Variants in GDF1 observed in about 807,000 individuals in gnomAD.
GDF1 encodes embryonic growth/differentiation factor 1.
A neutral mutation model predicts 7.4 loss-of-function variants in GDF1; 8 were observed. The ratio of observed to expected loss-of-function variants is 1.09; its 90% CI spans 0.64 to 1.96. The LOEUF (loss-of-function observed/expected upper bound fraction) is 1.96. Ranked by LOEUF, GDF1 falls within the 30% of genes most tolerant of loss-of-function variation. The pLI is 0.00. For synonymous variants in GDF1, 311 were observed against 276.7 expected (o/e 1.12, Z -1.23); for missense variants, 574 against 551.5 (o/e 1.04, Z -0.41).
intron 6 of GDF1, among the ~76,000 whole-genome samples, chr19:18,872,448 C>T (rs1303291629): frequency 2.0e-5 from 3 of 151,686 alleles, no homozygotes; most frequent in African/African-American, 7.3e-5. Flanking sequence ...CCCAGGTTCA[C>T]GGGATTCTCC....
intron 2 of GDF1, among the ~76,000 whole-genome samples, chr19:18,889,941 G>A (rs1389199507): frequency 1.3e-5 from 2 of 152,120 alleles, no homozygotes; most frequent in Non-Finnish European, 2.9e-5. Context: ...TTCTAAAATT[G>A]GCCACTTTGC....
intron 2 of GDF1, among the ~76,000 whole-genome samples, chr19:18,892,227 T>G (rs936107890): frequency 1.3e-5 from 2 of 151,592 alleles, no homozygotes; most frequent in Non-Finnish European, 2.9e-5. Context: ...ACCAAGATGG[T>G]GCAAGCCGAG....
intron 6 of GDF1, among the ~76,000 whole-genome samples, chr19:18,872,348 CTT>C (rs922807659): frequency 1.3e-5 from 2 of 152,040 alleles, no homozygotes; most frequent in Non-Finnish European, 2.9e-5. Context: ...ATCTTTTTTT[CTT>C]GTTTTGTTTT....
rs1601161236 is a variant in GDF1, at chr19:18,878,755, G to A, written c.-313+175C>T. On this transcript the variant is annotated intron_variant, in intron 6 of 7. Transcript: ENST00000247005. The surrounding 1 kb of genome is among the most constrained non-coding windows in gnomAD (Gnocchi z 4.6). ...CCCTTCCTCACTGTCCTGTCCTTCAGGGTACTGGCCACATCGTCCACGCCT... is the reference window on the plus strand; with the variant it reads ...CCCTTCCTCACTGTCCTGTCCTTCAAGGTACTGGCCACATCGTCCACGCCT... 1 of 1,422,150 alleles carries A rather than the reference G, an allele frequency of 7.0e-7. No individual in the cohort carries two copies. Among genetic ancestry groups the A allele is most frequent in the South Asian group, 1.5e-5 (1 of 68,146 alleles). 88.1% of individuals were successfully genotyped at this position (1,422,150 alleles called of 1,614,324 possible). A position where few individuals can be genotyped will look rare whatever the true frequency, so the allele number is the denominator to read the frequency against.
chr19:18,884,709 CTT>C (rs36074874), intron 2 of GDF1, among the ~76,000 whole-genome samples: 3 of 69,128 alleles, frequency 4.3e-5, no homozygotes, highest in Non-Finnish European at 7.4e-5. Flanking sequence ...GCCCAGCCGT[CTT>C]TTTTTTTTTT....
chr19:18,885,666 C>A (rs2056337239), intron 2 of GDF1, among the ~76,000 whole-genome samples: 1 of 151,602 alleles, frequency 6.6e-6, no homozygotes, highest in Non-Finnish European at 1.5e-5. Flanking sequence ...ATTACAGGCA[C>A]CCACCACCAT....
In GDF1 at chr19:18,870,205, G is replaced by T; in HGVS notation, c.103C>A (p.Pro35Thr). 1 of 1,559,482 alleles carries T rather than the reference G, an allele frequency of 6.4e-7. No individual in the cohort carries two copies. Residue 35 changes from proline to threonine, a missense_variant, in exon 7 of 8, where the codon CCA becomes ACA. By Grantham distance (38) the Pro-to-Thr change is conservative. Transcript: ENST00000247005. The surrounding 1 kb of genome is among the most constrained non-coding windows in gnomAD (Gnocchi z 5.1). ...AGAGCCTGGAGCAGGGCGGCGGCTG[G>T]GCCTGGGGGCACGGGGGCGCGGGTC... is the stretch of plus-strand genomic sequence containing the variant. Reference protein sequence around the residue: ...PLTRAPVPPGPAAALLQALGL... With the variant: ...PLTRAPVPPGTAAALLQALGL...
At chr19:18,869,866 C>G in intron 7 of GDF1, 117 bp downstream of exon 7, 2 of 1,012,174 alleles carry the variant, frequency 2.0e-6, no homozygotes, top group Admixed American at 4.0e-5. Flanking sequence ...TGCTAGTAGC[C>G]TGGACAGGGC....
At chr19:18,892,803 C>T (rs372159137) in intron 2 of GDF1, among the ~76,000 whole-genome samples, 10 of 152,272 alleles carry the variant, frequency 6.6e-5, no homozygotes, top group South Asian at 6.2e-4. Flanking sequence ...AGCTCCAACA[C>T]GGCCAGATAC....
At chr19:18,887,918 C>T (rs1370044556) in intron 2 of GDF1, among the ~76,000 whole-genome samples, 2 of 152,176 alleles carry the variant, frequency 1.3e-5, no homozygotes, top group Admixed American at 6.6e-5. Context: ...TCCCCATTCC[C>T]CTCCCCCAGC....
chr19:18,882,460 C>T (rs2056235530), intron 3 of GDF1, among the ~76,000 whole-genome samples: 1 of 151,414 alleles, frequency 6.6e-6, no homozygotes. Context: ...TGGTGAAACC[C>T]CATCTCTACT....
chr19:18,888,914 CAG>C (rs1392648463), intron 2 of GDF1, among the ~76,000 whole-genome samples: 1 of 130,318 alleles, frequency 7.7e-6, no homozygotes, highest in African/African-American at 3.0e-5. Context: ...TTTTTTGAGA[CAG>C]AGTCTTGCTC....
chr19:18,890,809 T>TAAAGGC (rs1385713609), intron 2 of GDF1, among the ~76,000 whole-genome samples: 87 of 128,482 alleles, frequency 6.8e-4, no homozygotes, highest in African/African-American at 2.5e-3. Context: ...AAAAAGCAGC[T>TAAAGGC]AAAGGCAAGT....
At chr19:18,888,599 G>A (rs1355155769) in intron 2 of GDF1, among the ~76,000 whole-genome samples, 2 of 150,938 alleles carry the variant, frequency 1.3e-5, no homozygotes, top group African/African-American at 4.9e-5. Flanking sequence ...GGGAGGCCAA[G>A]GGAGGCAGAT....
At position 18,896,108 on chromosome 19, in the gene GDF1, C is replaced by T. The variant is rs2056622144; in HGVS notation, c.-1358G>A. Reference sequence around the variant, plus strand: ...CGCCCGCCGTGCCCGTCGCCTGCGCCCGCCCGCGGTAGCCGACGGAGCCGC... The same window carrying T: ...CGCCCGCCGTGCCCGTCGCCTGCGCTCGCCCGCGGTAGCCGACGGAGCCGC... On this transcript the variant is annotated 5_prime_UTR_variant, in exon 1 of 8. Coordinates refer to ENST00000247005, the MANE Select transcript of GDF1 (RefSeq NM_001492.6). This position sits in a 1 kb window ranked among gnomAD's most constrained non-coding sequence, Gnocchi z 5.9. The T allele has an allele frequency of 1.2e-6, 1 of 858,144 alleles. No homozygotes were observed. The highest frequency in any genetic ancestry group is 1.4e-6 in the Non-Finnish European group (1 of 716,678). The allele number at this position is 858,144 out of a possible 1,614,324, so 53.2% of individuals were successfully genotyped here.
Position 18,868,634 on chromosome 19 carries a change from T to C in GDF1, c.1082A>G (p.Tyr361Cys). The change falls in exon 8 of 8, where the codon TAT becomes TGT. Residue 361 changes from tyrosine to cysteine, a missense_variant. Transcript: ENST00000247005. ...GCACTCGTCCACCACCATGTCCTCA[T>C]ACTGCCGCAGCACCACGTTGTCGCT... ...DNSDNVVLRQ[Y>C]EDMVVDECGC... 1 of 1,573,740 alleles carries C rather than the reference T, an allele frequency of 6.4e-7. No homozygotes were observed. The highest frequency in any genetic ancestry group is 8.6e-7 in the Non-Finnish European group (1 of 1,159,770).
At chr19:18,875,899 C>T (rs557641208) in intron 6 of GDF1, among the ~76,000 whole-genome samples, 4 of 152,328 alleles carry the variant, frequency 2.6e-5, no homozygotes, top group South Asian at 2.1e-4. Flanking sequence ...AGGGGATCCT[C>T]GCTTAGAGTT....
At chr19:18,893,274 G>C in intron 2 of GDF1, 142 bp downstream of exon 2, 1 of 849,848 alleles carries the variant, frequency 1.2e-6, no homozygotes, top group South Asian at 1.8e-5. Context: ...GAGTGCAGTG[G>C]CGTGCTCATA....
At chr19:18,890,296 C>T (rs1289542902) in intron 2 of GDF1, among the ~76,000 whole-genome samples, 6 of 152,244 alleles carry the variant, frequency 3.9e-5, no homozygotes, top group Admixed American at 2.0e-4. Context: ...CACAAGTTTT[C>T]TCATCCACAC....
Sources: allele counts gnomAD v4.1 joint callset (sites outside exome capture counted in the v4.1 genomes callset), GRCh38; gene constraint gnomAD v4.1.1; non-coding constraint Gnocchi (gnomAD v3.1); transcripts MANE v1.5; gene names NCBI Gene and HGNC (gene_info 2026-07-23, HGNC 2026-07-21).